Variants in DMRT1 observed in about 807,000 individuals in gnomAD.
The protein encoded by DMRT1 is doublesex- and mab-3-related transcription factor 1.
In DMRT1, 7 loss-of-function variants were observed where a neutral mutation model predicts 32.3. The ratio of observed to expected loss-of-function variants is 0.22; its 90% CI spans 0.12 to 0.41. The LOEUF (loss-of-function observed/expected upper bound fraction) is 0.41. DMRT1 is among the 10% of genes least tolerant of loss of function. The pLI is 1.00. For missense variants in DMRT1, 625 were observed against 500.5 expected (o/e 1.25, Z -2.37); for synonymous variants, 278 against 206.1 (o/e 1.35, Z -2.99).
chr9:935,579 G>A (rs1325186580), intron 4 of DMRT1, among the ~76,000 whole-genome samples: 1 of 152,154 alleles, frequency 6.6e-6, no homozygotes, highest in African/African-American at 2.4e-5. Flanking sequence ...TACCAGTCTC[G>A]CAGTGCCTTG....
rs577095152 is a variant in DMRT1 at position 857,464 on chromosome 9, C to G, written c.538+10321C>G. ...ATAAAGGGACCTGGAGAGAGTTTTT[C>G]TTTGCTGTAGCTGTATTATTGGTTG... is the stretch of plus-strand genomic sequence containing the variant. On this transcript the variant is annotated intron_variant, in intron 2 of 4. Transcript: ENST00000382276. Among the ~76,000 whole-genome samples, 7 of 152,152 alleles carry G rather than the reference C, an allele frequency of 4.6e-5. No individual in the cohort carries two copies. In the South Asian group the frequency reaches 1.5e-3, roughly 32 times the overall value.
intron 2 of DMRT1, among the ~76,000 whole-genome samples, chr9:848,703 G>A (rs1839011202): frequency 6.7e-6 from 1 of 149,660 alleles, no homozygotes; most frequent in South Asian, 2.1e-4. Context: ...ACAGGCGCCC[G>A]CCACCACACC....
At chr9:871,615 A>T (rs1469650235) in intron 2 of DMRT1, among the ~76,000 whole-genome samples, 5 of 124,010 alleles carry the variant, frequency 4.0e-5, no homozygotes, top group South Asian at 2.7e-4. Context: ...TGCTGGGATT[A>T]CAGACGCGAG....
chr9:881,188 G>GGGA (rs1337070863), intron 2 of DMRT1, among the ~76,000 whole-genome samples: 1 of 152,182 alleles, frequency 6.6e-6, no homozygotes, highest in Non-Finnish European at 1.5e-5. Context: ...ATTCTTGGTA[G>GGGA]GGAGGGGGCT....
At chr9:885,138 A>T (rs1224351274) in intron 2 of DMRT1, among the ~76,000 whole-genome samples, 3 of 152,168 alleles carry the variant, frequency 2.0e-5, no homozygotes, top group African/African-American at 7.2e-5. Context: ...ACAGATGGGC[A>T]GGCCGTGGGG....
intron 3 of DMRT1, among the ~76,000 whole-genome samples, chr9:911,490 T>TG: frequency 1.1e-5 from 1 of 89,686 alleles, no homozygotes; most frequent in African/African-American, 5.8e-5. Flanking sequence ...TTTTTTTTTT[T>TG]TTTTTTTTTT....
At position 874,417 on chromosome 9, in the gene DMRT1, C is replaced by T. The variant is rs563544349; in HGVS notation, c.539-19495C>T. On this transcript the variant is annotated intron_variant, in intron 2 of 4. Transcript: ENST00000382276. Reference sequence around the variant, plus strand: ...TTTGTTTCCCCTTCATTGTCATTTTCAGCCCTTTATTTGTTTCTGAACTTG... The same window carrying T: ...TTTGTTTCCCCTTCATTGTCATTTTTAGCCCTTTATTTGTTTCTGAACTTG... 2.3e-4 allele frequency among the ~76,000 whole-genome samples: 35 copies of T among 152,258 alleles called. 1 individual carries two copies. The highest frequency in any genetic ancestry group is 3.4e-3 in the Middle Eastern group (1 of 294).
At position 858,397 on chromosome 9, in the gene DMRT1, T is replaced by G. The variant is rs970373173; in HGVS notation, c.538+11254T>G. 3.3e-5 allele frequency among the ~76,000 whole-genome samples: 5 copies of G among 152,196 alleles called. No homozygotes were observed. The East Asian group carries it at 9.6e-4, about 29-fold the overall frequency. On this transcript the variant is annotated intron_variant, in intron 2 of 4. Transcript: ENST00000382276. ...ACTTGCTTACTCAGCAGCATCCCCC[T>G]GGAGTTCTTTGACTCACATATTCCT...
chr9:868,902 T>A (rs903113806), intron 2 of DMRT1, among the ~76,000 whole-genome samples: 1 of 152,014 alleles, frequency 6.6e-6, no homozygotes, highest in African/African-American at 2.4e-5. Context: ...CTCAGCTACT[T>A]GGGAGATGCA....
chr9:958,921 C>A (rs535483066), intron 4 of DMRT1, among the ~76,000 whole-genome samples: 1 of 152,254 alleles, frequency 6.6e-6, no homozygotes, highest in African/African-American at 2.4e-5. Context: ...TTTTTCTTAG[C>A]CTTAACGAGA....
intron 4 of DMRT1, among the ~76,000 whole-genome samples, chr9:924,009 C>G (rs1818439043): frequency 6.6e-6 from 1 of 151,768 alleles, no homozygotes; most frequent in African/African-American, 2.4e-5. Flanking sequence ...TGGAACTATC[C>G]CAGGAGACGA....
At chr9:908,853 G>A (rs374180762) in intron 3 of DMRT1, among the ~76,000 whole-genome samples, 8 of 152,182 alleles carry the variant, frequency 5.3e-5, no homozygotes, top group African/African-American at 1.4e-4. Context: ...TCTCCTGGGC[G>A]CATTTGGAGG....
At chr9:907,868 A>G (rs1238535983) in intron 3 of DMRT1, among the ~76,000 whole-genome samples, 1 of 151,168 alleles carries the variant, frequency 6.6e-6, no homozygotes, top group Non-Finnish European at 1.5e-5. Flanking sequence ...TTATATGTAT[A>G]TAACACACAC....
chr9:918,895 G>A (rs1818268061), intron 4 of DMRT1, among the ~76,000 whole-genome samples: 1 of 152,302 alleles, frequency 6.6e-6, no homozygotes, highest in South Asian at 2.1e-4. Context: ...AAGTGGGAAG[G>A]TAAAGGAAGC....
chr9:906,763 G>A (rs1417944378), intron 3 of DMRT1, among the ~76,000 whole-genome samples: 1 of 152,156 alleles, frequency 6.6e-6, no homozygotes, highest in Non-Finnish European at 1.5e-5. Flanking sequence ...AAAGCTAAAG[G>A]CAGCAAAGTA....
At chr9:954,381 C>G (rs429002) in intron 4 of DMRT1, among the ~76,000 whole-genome samples, 121,025 of 151,552 alleles carry the variant, frequency 0.8, 48,841 homozygotes, top group East Asian at 0.99. Context: ...TTAGATGAGG[C>G]TGTGGTAGGA....
chr9:957,962 T>G (rs1354944146), intron 4 of DMRT1, among the ~76,000 whole-genome samples: 1 of 152,142 alleles, frequency 6.6e-6, no homozygotes, highest in Non-Finnish European at 1.5e-5. Context: ...CGATTGGAGA[T>G]TGTGCCACTG....
At chr9:861,220 T>G (rs7863616) in intron 2 of DMRT1, among the ~76,000 whole-genome samples, 1 of 151,682 alleles carries the variant, frequency 6.6e-6, no homozygotes, top group East Asian at 1.9e-4. Context: ...TTCCGTCTTC[T>G]GCAGTGTTTG....
chr9:927,931 G>T (rs183316792), intron 4 of DMRT1, among the ~76,000 whole-genome samples: 4 of 152,338 alleles, frequency 2.6e-5, no homozygotes, highest in African/African-American at 9.6e-5. Flanking sequence ...TGATAGGAGG[G>T]CAAAGAGGAG....
Sources: allele counts gnomAD v4.1 joint callset (sites outside exome capture counted in the v4.1 genomes callset), GRCh38; gene constraint gnomAD v4.1.1; transcripts MANE v1.5; gene names NCBI Gene and HGNC (gene_info 2026-07-23, HGNC 2026-07-21).